RNF180: variants seen among roughly 807,000 people sequenced by gnomAD.
The protein encoded by RNF180 is ring finger protein 180.
RNF180 carries 38 observed loss-of-function variants against 59.2 expected under a neutral mutation model. That is an observed-to-expected ratio of 0.64 (90% confidence interval 0.50 to 0.84). The LOEUF (loss-of-function observed/expected upper bound fraction) is 0.84. Among genes scored for constraint, RNF180 ranks in the 40% least tolerant of loss-of-function variants. RNF180 has a pLI of 0.00. For missense variants in RNF180, 705 were observed against 700.9 expected (o/e 1.01, Z -0.07); for synonymous variants, 262 against 240.3 (o/e 1.09, Z -0.84).
rs547447145 is a variant in RNF180, at chr5:64,227,369, G to A, written c.1227+9973G>A. Among the ~76,000 whole-genome samples, 44 of 152,274 alleles carry A rather than the reference G, an allele frequency of 2.9e-4. 1 individual carries two copies. The South Asian group carries it at 7.9e-3, about 27-fold the overall frequency. On this transcript the variant is annotated intron_variant, in intron 5 of 7. Transcript: ENST00000389100. ...AACCCAACAGAAGGCTGTGGGTACC[G>A]GGCACCAGCCTGTGGGGGGTCTGAA...
chr5:64,177,458 A>G (rs902256072), intron 1 of RNF180, among the ~76,000 whole-genome samples: 5 of 142,564 alleles, frequency 3.5e-5, no homozygotes, highest in Non-Finnish European at 6.1e-5. Context: ...TGTGTTCTCA[A>G]TTATTTTACT....
chr5:64,173,615 C>G (rs1470156664), intron 1 of RNF180, among the ~76,000 whole-genome samples: 1 of 151,748 alleles, frequency 6.6e-6, no homozygotes, highest in African/African-American at 2.4e-5. Flanking sequence ...CAATCTCTCT[C>G]CCTCCTCCTT....
intron 7 of RNF180, among the ~76,000 whole-genome samples, chr5:64,362,558 T>A (rs1746299230): frequency 1.3e-5 from 2 of 151,866 alleles, no homozygotes. Context: ...TACACGTGCA[T>A]GTGTCTTTAT....
chr5:64,201,063 CTCTT>C (rs1315782311), intron 2 of RNF180, 121 bp downstream of exon 2: 1 of 733,592 alleles, frequency 1.4e-6, no homozygotes, highest in Non-Finnish European at 2.1e-6. Context: ...TTTGTCATGA[CTCTT>C]TGTCTCTCAC....
At chr5:64,326,484 T>G (rs1032179138) in intron 6 of RNF180, among the ~76,000 whole-genome samples, 1 of 152,158 alleles carries the variant, frequency 6.6e-6, no homozygotes, top group African/African-American at 2.4e-5. Flanking sequence ...TTTGTTTATT[T>G]TTGTCTATTT....
chr5:64,209,004 A>G (rs1015825690), intron 2 of RNF180, among the ~76,000 whole-genome samples: 1 of 151,974 alleles, frequency 6.6e-6, no homozygotes, highest in African/African-American at 2.4e-5. Flanking sequence ...TAAGCGTTAG[A>G]GAAGAATAGC....
intron 7 of RNF180, among the ~76,000 whole-genome samples, chr5:64,357,824 G>C (rs1188924005): frequency 1.3e-5 from 2 of 151,884 alleles, no homozygotes; most frequent in Middle Eastern, 3.4e-3. Context: ...TCATAGCCTT[G>C]TTTTCTAGGA....
At chr5:64,334,067 C>T (rs554847817) in intron 7 of RNF180, among the ~76,000 whole-genome samples, 1 of 152,270 alleles carries the variant, frequency 6.6e-6, no homozygotes, top group African/African-American at 2.4e-5. Context: ...TAGAGCAGGG[C>T]AGAAGTAAGG....
chr5:64,251,143 TCAA>T (rs1208472522), intron 5 of RNF180, among the ~76,000 whole-genome samples: 1 of 152,106 alleles, frequency 6.6e-6, no homozygotes, highest in South Asian at 2.1e-4. Context: ...TTGAGAAAAT[TCAA>T]CATTTTATGA....
At chr5:64,335,974 A>G (rs530796407) in intron 7 of RNF180, among the ~76,000 whole-genome samples, 2 of 152,126 alleles carry the variant, frequency 1.3e-5, no homozygotes, top group Non-Finnish European at 2.9e-5. Flanking sequence ...TATCTCGCAC[A>G]TCTTTTGGCT....
chr5:64,257,410 G>A (rs190118989), intron 5 of RNF180, among the ~76,000 whole-genome samples: 50 of 152,326 alleles, frequency 3.3e-4, no homozygotes, highest in Middle Eastern at 3.4e-3. Context: ...TTTTTAGCAT[G>A]AACGGCTGTT....
intron 7 of RNF180, among the ~76,000 whole-genome samples, chr5:64,341,279 A>G (rs1745345237): frequency 6.6e-6 from 1 of 152,150 alleles, no homozygotes; most frequent in Admixed American, 6.6e-5. Context: ...GCTTTACCTA[A>G]CTACCCTAAG....
At chr5:64,338,300 A>AT (rs1014929633) in intron 7 of RNF180, among the ~76,000 whole-genome samples, 29 of 152,134 alleles carry the variant, frequency 1.9e-4, no homozygotes, top group East Asian at 1.7e-3. Context: ...CTTCTATTTG[A>AT]TTTTGAACGG....
At chr5:64,214,653 C>A in intron 4 of RNF180, 136 bp downstream of exon 4, 1 of 698,040 alleles carries the variant, frequency 1.4e-6, no homozygotes, top group Non-Finnish European at 2.4e-6. Context: ...TCTCTGAGTG[C>A]ACTCAGTAAT....
Position 64,369,637 on chromosome 5 carries a change from A to C in RNF180, c.1602A>C (p.Pro534=). Residue 534 remains proline (P), a synonymous_variant, in exon 8 of 8, where the codon CCA becomes CCC. Transcript: ENST00000389100. Reference sequence around the variant, plus strand: ...TAGGTTTCCGCAGACATGCAGCTCCAGTTACAAGAAGGCAGTTCCCACACG... The same window carrying C: ...TAGGTTTCCGCAGACATGCAGCTCCCGTTACAAGAAGGCAGTTCCCACACG... ...LFGGFRRHAA[P]VTRRQFPHGA... 1 of 1,522,970 alleles carries C rather than the reference A, an allele frequency of 6.6e-7. No homozygotes were observed. The highest frequency in any genetic ancestry group is 1.3e-5 in the South Asian group (1 of 78,640). 94.3% of individuals were successfully genotyped at this position (1,522,970 alleles called of 1,614,324 possible). A position where few individuals can be genotyped will look rare whatever the true frequency, so the allele number is the denominator to read the frequency against.
chr5:64,286,277 C>T (rs1742277937), intron 5 of RNF180, among the ~76,000 whole-genome samples: 1 of 152,128 alleles, frequency 6.6e-6, no homozygotes, highest in Non-Finnish European at 1.5e-5. Flanking sequence ...TATGGAGAAC[C>T]TTGAAGGTGC....
chr5:64,174,752 T>C (rs1457984171), intron 1 of RNF180, among the ~76,000 whole-genome samples: 1 of 152,072 alleles, frequency 6.6e-6, no homozygotes, highest in African/African-American at 2.4e-5. Flanking sequence ...ATAGGTTCTG[T>C]TTATCGATTG....
Position 64,313,102 on chromosome 5 carries a change from A to C in RNF180, c.1228-12084A>C, listed in dbSNP as rs151337533. ...GATAGGACCCAAGTCTAAACATCAA[A>C]TTTATGATTCATATACATATTATAC... On this transcript the variant is annotated intron_variant, in intron 5 of 7. Coordinates refer to ENST00000389100, the MANE Select transcript of RNF180 (RefSeq NM_001113561.2). Among the ~76,000 whole-genome samples, 7 of 152,282 alleles carry C rather than the reference A, an allele frequency of 4.6e-5. No individual in the cohort carries two copies. In the East Asian group the frequency reaches 1.4e-3, roughly 29 times the overall value.
At chr5:64,223,091 C>G (rs1741452871) in intron 5 of RNF180, among the ~76,000 whole-genome samples, 1 of 152,160 alleles carries the variant, frequency 6.6e-6, no homozygotes, top group African/African-American at 2.4e-5. Context: ...CCTTGTGGGG[C>G]TGATATCAAT....
Sources: gnomAD v4.1 joint callset for allele counts (sites outside exome capture counted in the v4.1 genomes callset) on GRCh38, gnomAD v4.1.1 for gene constraint, MANE v1.5 for transcripts, NCBI Gene and HGNC (gene_info 2026-07-23, HGNC 2026-07-21) for gene names.